SLX4IP: variants seen among roughly 807,000 people sequenced by gnomAD.
SLX4IP encodes SLX4 interacting protein.
SLX4IP carries 34 observed loss-of-function variants against 32.9 expected under a neutral mutation model. The ratio of observed to expected loss-of-function variants is 1.03; its 90% CI spans 0.79 to 1.38. SLX4IP has a LOEUF of 1.38. Ranked by LOEUF, SLX4IP falls within the 40% of genes most tolerant of loss-of-function variation. The pLI is 0.00. For missense variants in SLX4IP, 444 were observed against 479.0 expected (o/e 0.93, Z 0.68); for synonymous variants, 172 against 171.7 (o/e 1.00, Z -0.01).
chr20:10,597,106 A>G (rs1422532924), intron 4 of SLX4IP, among the ~76,000 whole-genome samples: 3 of 152,238 alleles, frequency 2.0e-5, no homozygotes, highest in Non-Finnish European at 4.4e-5. Context: ...GTCTTTCTAC[A>G]GGAGTGTCGG....
intron 4 of SLX4IP, among the ~76,000 whole-genome samples, chr20:10,586,721 G>GA (rs1313574498): frequency 6.6e-6 from 1 of 151,928 alleles, no homozygotes; most frequent in Non-Finnish European, 1.5e-5. Context: ...TATTAGTAAT[G>GA]AAAAAAGACA....
intron 1 of SLX4IP, among the ~76,000 whole-genome samples, chr20:10,456,586 C>A (rs59371580): frequency 3.9e-5 from 6 of 152,030 alleles, no homozygotes; most frequent in Non-Finnish European, 5.9e-5. Context: ...GTGATCTACC[C>A]GCCTCGGCCT....
At chr20:10,516,196 C>T (rs1008063860) in intron 2 of SLX4IP, among the ~76,000 whole-genome samples, 1 of 152,152 alleles carries the variant, frequency 6.6e-6, no homozygotes, top group Admixed American at 6.5e-5. Context: ...CCTCGTGAGG[C>T]TATTTTTATC....
At chr20:10,617,085 A>G (rs571817852) in intron 6 of SLX4IP, among the ~76,000 whole-genome samples, 2 of 152,278 alleles carry the variant, frequency 1.3e-5, no homozygotes, top group South Asian at 2.1e-4. Flanking sequence ...TAGAGATCCA[A>G]ATTCTGAGGT....
chr20:10,570,484 C>T (rs1678469644), intron 4 of SLX4IP, among the ~76,000 whole-genome samples: 1 of 151,710 alleles, frequency 6.6e-6, no homozygotes, highest in Admixed American at 6.6e-5. Context: ...CTCTGGGCAT[C>T]GTGTACCAAG....
intron 2 of SLX4IP, among the ~76,000 whole-genome samples, chr20:10,530,927 C>T (rs1184356307): frequency 6.6e-6 from 1 of 152,176 alleles, no homozygotes; most frequent in African/African-American, 2.4e-5. Context: ...ATATTTCTTA[C>T]AGAGAGTACC....
chr20:10,538,561 T>C (rs1372958886), intron 2 of SLX4IP, among the ~76,000 whole-genome samples: 1 of 151,798 alleles, frequency 6.6e-6, no homozygotes, highest in Non-Finnish European at 1.5e-5. Flanking sequence ...AGTCTCACTC[T>C]GTCGCCCAGG....
rs137984484 is a variant in SLX4IP at position 10,578,837 on chromosome 20, C to G, written c.238+18017C>G. 3.7e-3 allele frequency among the ~76,000 whole-genome samples: 556 copies of G among 152,286 alleles called. 5 individuals carry two copies. The highest frequency in any genetic ancestry group is 0.013 in the African/African-American group (529 of 41,566). The stretch of plus-strand genomic sequence containing the variant: ...CCCTGATGACTAATAATGTTACCAT[C>G]TATTCAAGTACTTACTGGCCGTTTG... On this transcript the variant is annotated intron_variant, in intron 4 of 7. Coordinates refer to ENST00000334534, the MANE Select transcript of SLX4IP (RefSeq NM_001009608.3).
chr20:10,571,127 C>T lies in SLX4IP; in HGVS notation c.238+10307C>T, dbSNP rs2066460428. On this transcript the variant is annotated intron_variant, in intron 4 of 7. Transcript: ENST00000334534. ...GGATTACAGACGTGAGCCTCCATGCCTGGCCTGCATCACCCTTTTTTATTG... is the reference window on the plus strand; with the variant it reads ...GGATTACAGACGTGAGCCTCCATGCTTGGCCTGCATCACCCTTTTTTATTG... Among the ~76,000 whole-genome samples, 5 of 152,198 alleles carry T rather than the reference C, an allele frequency of 3.3e-5. No individual in the cohort carries two copies. The South Asian group carries it at 1.0e-3, about 32-fold the overall frequency.
chr20:10,598,846 C>T lies in SLX4IP; in HGVS notation c.316+94C>T, dbSNP rs116176200. The T allele has an allele frequency of 2.8e-4, 351 of 1,253,022 alleles. 1 individual carries two copies. The African/African-American group carries it at 4.6e-3, about 16-fold the overall frequency. 77.6% of individuals were successfully genotyped at this position (1,253,022 alleles called of 1,614,324 possible). On this transcript the variant is annotated intron_variant, in intron 5 of 7. Transcript: ENST00000334534. ...GAAAATTAAGGAGTGGAGAGTCCCA[C>T]TTGCTTCATTGCCTTCATGTCTTGA...
intron 2 of SLX4IP, among the ~76,000 whole-genome samples, chr20:10,490,452 A>T (rs929178330): frequency 6.6e-6 from 1 of 152,108 alleles, no homozygotes; most frequent in Non-Finnish European, 1.5e-5. Context: ...GTTAAAAATA[A>T]GTCATCCCCT....
intron 2 of SLX4IP, among the ~76,000 whole-genome samples, chr20:10,524,380 A>C (rs1450828408): frequency 6.6e-6 from 1 of 151,980 alleles, no homozygotes; most frequent in East Asian, 1.9e-4. Flanking sequence ...GCAGGGAGAC[A>C]CTCTTGACCA....
chr20:10,523,405 T>C (rs1283367214), intron 2 of SLX4IP, among the ~76,000 whole-genome samples: 4 of 152,242 alleles, frequency 2.6e-5, no homozygotes, highest in Non-Finnish European at 1.5e-5. Flanking sequence ...ATTGCCTAAA[T>C]TGTCTTCCTT....
chr20:10,623,716 T>C lies in SLX4IP; in HGVS notation c.*337T>C, dbSNP rs905215359. 3.1e-5 allele frequency: 9 copies of C among 294,932 alleles called. No homozygotes were observed. The highest frequency in any genetic ancestry group is 7.4e-5 in the East Asian group (1 of 13,554). The allele number at this position is 294,932 out of a possible 1,614,324, so 18.3% of individuals were successfully genotyped here. A position where few individuals can be genotyped will look rare whatever the true frequency, so the allele number is the denominator to read the frequency against. The stretch of plus-strand genomic sequence containing the variant: ...CATGAGCCCCTTCTTGGCACATCAC[T>C]GTGCAGACCACACAATGGACCGTGC... On this transcript the variant is annotated 3_prime_UTR_variant, in exon 8 of 8. Coordinates refer to ENST00000334534, the MANE Select transcript of SLX4IP (RefSeq NM_001009608.3).
chr20:10,570,986 T>G (rs1045653967), intron 4 of SLX4IP, among the ~76,000 whole-genome samples: 2 of 152,120 alleles, frequency 1.3e-5, no homozygotes, highest in Non-Finnish European at 2.9e-5. Flanking sequence ...TGTATCACCA[T>G]ATCTGGCTAT....
At chr20:10,562,757 T>C (rs747291500) in intron 4 of SLX4IP, among the ~76,000 whole-genome samples, 6 of 152,250 alleles carry the variant, frequency 3.9e-5, no homozygotes, top group African/African-American at 9.6e-5. Context: ...TTGTATATAT[T>C]GCTGAATAGT....
intron 2 of SLX4IP, among the ~76,000 whole-genome samples, chr20:10,517,211 A>G (rs927481366): frequency 2.6e-5 from 4 of 152,154 alleles, no homozygotes; most frequent in Admixed American, 6.5e-5. Flanking sequence ...CTGTCATCAA[A>G]CCCTCACAGG....
chr20:10,589,910 A>T (rs1483988114), intron 4 of SLX4IP, among the ~76,000 whole-genome samples: 1 of 151,430 alleles, frequency 6.6e-6, no homozygotes, highest in African/African-American at 2.4e-5. Context: ...AAATACATTG[A>T]GTCTATGTTA....
At position 10,463,233 on chromosome 20, in the gene SLX4IP, G is replaced by A. The variant is rs375435975; in HGVS notation, c.27+5002G>A. 3.9e-5 allele frequency among the ~76,000 whole-genome samples: 6 copies of A among 152,320 alleles called. No homozygotes were observed. In the South Asian group the frequency reaches 6.2e-4, roughly 16 times the overall value. On this transcript the variant is annotated intron_variant, in intron 2 of 7. Coordinates refer to ENST00000334534, the MANE Select transcript of SLX4IP (RefSeq NM_001009608.3). Reference sequence around the variant, plus strand: ...ATTCTCTTTAGAATTTGAATGAGCCGAGAAGCAGATAATACCTAGTTGAAA... The same window carrying A: ...ATTCTCTTTAGAATTTGAATGAGCCAAGAAGCAGATAATACCTAGTTGAAA...
Sources: allele counts gnomAD v4.1 joint callset (sites outside exome capture counted in the v4.1 genomes callset), GRCh38; gene constraint gnomAD v4.1.1; transcripts MANE v1.5; gene names NCBI Gene and HGNC (gene_info 2026-07-23, HGNC 2026-07-21).